Variants in KCNT1 observed in about 807,000 individuals in gnomAD.
KCNT1 encodes the protein potassium sodium-activated channel subfamily T member 1, also known as potassium channel subfamily T member 1.
Under a neutral mutation model 147.8 loss-of-function variants are expected in KCNT1, and 78 were observed. That is an observed-to-expected ratio of 0.53 (90% CI 0.44 to 0.64). KCNT1 has a LOEUF of 0.64. Ranked by LOEUF, KCNT1 falls within the 30% of genes least tolerant of loss-of-function variation. KCNT1 has a pLI of 0.00. For synonymous variants in KCNT1, 867 were observed against 748.8 expected (o/e 1.16, Z -2.58); for missense variants, 1,419 against 1,750.3 (o/e 0.81, Z 3.38).
chr9:135,727,311 TTC>T (rs1836248983), intron 2 of KCNT1, among the ~76,000 whole-genome samples: 1 of 59,958 alleles, frequency 1.7e-5, no homozygotes, highest in African/African-American at 6.9e-5. Flanking sequence ...CTCTTTCCCA[TTC>T]TCTCTCTCCC....
intron 3 of KCNT1, 69 bp downstream of exon 3, chr9:135,750,246 G>C (rs142834413): frequency 5.5e-6 from 7 of 1,270,486 alleles, no homozygotes; most frequent in Middle Eastern, 1.8e-4. Context: ...CAAGCCTGGC[G>C]ATGGCGAAGG....
chr9:135,782,302 G>T (rs1833668162), intron 24 of KCNT1, among the ~76,000 whole-genome samples: 1 of 152,218 alleles, frequency 6.6e-6, no homozygotes, highest in Admixed American at 6.5e-5. Flanking sequence ...GGCTCTCAGA[G>T]CCCCGGTGTG....
rs554237279 is a variant in KCNT1, at chr9:135,778,805, C to T, written c.2712C>T (p.Asn904=). The part of the protein sequence containing the change: ...DYMADAKTIV[N]VQTMFRLFPS... ...TGGCGGACGCCAAGACCATCGTCAA[C>T]GTGCAGACCATGTTCCGGTGCGTCC... The change falls in exon 23 of 31, where the codon AAC becomes AAT. Residue 904 remains asparagine (N), a synonymous_variant. Transcript: ENST00000371757. 9.2e-5 allele frequency: 148 copies of T among 1,613,782 alleles called. No individual in the cohort carries two copies. The Middle Eastern group carries it at 1.2e-3, about 13-fold the overall frequency.
chr9:135,731,991 TAGAGAGAGAGAG>T (rs1189149987), intron 2 of KCNT1, among the ~76,000 whole-genome samples: 92 of 21,664 alleles, frequency 4.2e-3, no homozygotes, highest in African/African-American at 5.3e-3. Context: ...TATATATATA[TAGAGAGAGAGAG>T]AGAGAGAGAG....
chr9:135,721,519 G>A (rs1335746592), intron 2 of KCNT1, among the ~76,000 whole-genome samples: 1 of 152,188 alleles, frequency 6.6e-6, no homozygotes, highest in South Asian at 2.1e-4. Context: ...GCAGGCTGGG[G>A]TCTCCTGGCC....
intron 11 of KCNT1, among the ~76,000 whole-genome samples, chr9:135,764,691 C>T (rs527530068): frequency 6.6e-6 from 1 of 152,252 alleles, no homozygotes; most frequent in South Asian, 2.1e-4. Context: ...AGACCGGGGT[C>T]TGAGGCCTGA....
chr9:135,735,420 C>G (rs1830293049), intron 2 of KCNT1, among the ~76,000 whole-genome samples: 1 of 152,204 alleles, frequency 6.6e-6, no homozygotes, highest in African/African-American at 2.4e-5. Context: ...GCCTGTGCTG[C>G]CTGTCAGGGA....
intron 12 of KCNT1, 133 bp from the exon 13 acceptor site, chr9:135,765,491 C>A: frequency 9.3e-7 from 1 of 1,073,234 alleles, no homozygotes; most frequent in Non-Finnish European, 1.3e-6. Flanking sequence ...CCTCTTTTCC[C>A]TCCCACCAGA....
At chr9:135,781,958 A>T (rs1420967972) in intron 24 of KCNT1, among the ~76,000 whole-genome samples, 1 of 152,216 alleles carries the variant, frequency 6.6e-6, no homozygotes, top group African/African-American at 2.4e-5. Flanking sequence ...TCATGCCTGT[A>T]ATCCCAGCAC....
At chr9:135,739,985 G>A (rs1159477742) in intron 2 of KCNT1, among the ~76,000 whole-genome samples, 1 of 152,036 alleles carries the variant, frequency 6.6e-6, no homozygotes, top group Admixed American at 6.5e-5. Context: ...TCAAGATGTG[G>A]GCAGGGCTGG....
chr9:135,740,480 G>A (rs1314083500), intron 2 of KCNT1, among the ~76,000 whole-genome samples: 1 of 152,238 alleles, frequency 6.6e-6, no homozygotes, highest in East Asian at 1.9e-4. Flanking sequence ...CCTCCCTCTC[G>A]AGGCTGGCAG....
intron 2 of KCNT1, among the ~76,000 whole-genome samples, chr9:135,734,586 C>A (rs1185106592): frequency 6.6e-6 from 1 of 152,206 alleles, no homozygotes; most frequent in Non-Finnish European, 1.5e-5. Context: ...CACAGATGTT[C>A]TCTTGTCACA....
In KCNT1 at chr9:135,793,437, T is replaced by G. The variant is rs547661896; in HGVS notation, c.*1276T>G. 3.3e-4 allele frequency: 51 copies of G among 152,336 alleles called. No individual in the cohort carries two copies. The highest frequency in any genetic ancestry group is 1.2e-3 in the African/African-American group (48 of 41,578). 9.4% of individuals were successfully genotyped at this position (152,336 alleles called of 1,614,324 possible). ...TCACCCCTGCAGCCAGGCATGTCCCTGGGGTGGGCACAGAGACCCCAGGCT... is the reference window on the plus strand; with the variant it reads ...TCACCCCTGCAGCCAGGCATGTCCCGGGGGTGGGCACAGAGACCCCAGGCT... On this transcript the variant is annotated 3_prime_UTR_variant, in exon 31 of 31. Transcript: ENST00000371757.
intron 11 of KCNT1, 122 bp from the exon 12 acceptor site, chr9:135,764,908 AC>A (rs1285245611): frequency 1.3e-5 from 13 of 982,268 alleles, no homozygotes; most frequent in South Asian, 1.7e-5. Context: ...TGTAGGTGTC[AC>A]CCCCCGGCCG....
Position 135,791,477 on chromosome 9 carries a change from G to A in KCNT1, c.3503-320G>A, listed in dbSNP as rs952785303. On this transcript the variant is annotated intron_variant, in intron 29 of 30. Coordinates refer to ENST00000371757, the MANE Select transcript of KCNT1 (RefSeq NM_020822.3). Reference sequence around the variant, plus strand: ...AGGCTGACGTACGTGGCAGGTGTGCGCTGGTGTGTGCAGGTGTGCTCAGTG... The same window carrying A: ...AGGCTGACGTACGTGGCAGGTGTGCACTGGTGTGTGCAGGTGTGCTCAGTG... 4.6e-5 allele frequency: 16 copies of A among 349,936 alleles called. No individual in the cohort carries two copies. The East Asian group carries it at 5.5e-4, about 12-fold the overall frequency. The allele number at this position is 349,936 out of a possible 1,614,324, so 21.7% of individuals were successfully genotyped here. A position where few individuals can be genotyped will look rare whatever the true frequency, so the allele number is the denominator to read the frequency against.
At chr9:135,759,132 C>T (rs1303843541) in intron 10 of KCNT1, among the ~76,000 whole-genome samples, 2 of 152,338 alleles carry the variant, frequency 1.3e-5, no homozygotes, top group Admixed American at 1.3e-4. Context: ...CAGATTGGGG[C>T]ATCCATGAGG....
intron 24 of KCNT1, among the ~76,000 whole-genome samples, chr9:135,780,809 T>C (rs1021194188): frequency 1.3e-5 from 2 of 152,164 alleles, no homozygotes; most frequent in African/African-American, 4.8e-5. Flanking sequence ...TGTGTTCGGG[T>C]GCCGGGCCGC....
chr9:135,753,878 A>G, intron 4 of KCNT1, 59 bp from the exon 5 acceptor site: 1 of 1,593,328 alleles, frequency 6.3e-7, no homozygotes, highest in Non-Finnish European at 8.6e-7. Flanking sequence ...CTCGGGCAGC[A>G]AGTCCTTGCA....
chr9:135,757,481 C>T lies in KCNT1; in HGVS notation c.759+100C>T, dbSNP rs1831576915. On this transcript the variant is annotated intron_variant, in intron 9 of 30. Transcript: ENST00000371757. ...GCGACGTAGCCTGCCACGCCCCGGC[C>T]CTGGCATGACCTGTAGAGGACCGGG... The T allele has an allele frequency of 4.9e-6, 5 of 1,030,866 alleles. No individual in the cohort carries two copies. In the Admixed American group the frequency reaches 7.6e-5, roughly 16 times the overall value. 63.9% of individuals were successfully genotyped at this position (1,030,866 alleles called of 1,614,324 possible). A position where few individuals can be genotyped will look rare whatever the true frequency, so the allele number is the denominator to read the frequency against.
Sources: gnomAD v4.1 joint callset for allele counts (sites outside exome capture counted in the v4.1 genomes callset) on GRCh38, gnomAD v4.1.1 for gene constraint, MANE v1.5 for transcripts, NCBI Gene and HGNC (gene_info 2026-07-23, HGNC 2026-07-21) for gene names.